The following FSTL4 variants were observed in gnomAD, a reference collection of about 807,000 sequenced individuals.
FSTL4 encodes the protein follistatin like 4.
In FSTL4, 28 loss-of-function variants were observed where a neutral mutation model predicts 78.2. That is an observed-to-expected ratio of 0.36 (90% confidence interval 0.27 to 0.49). The LOEUF (loss-of-function observed/expected upper bound fraction) is 0.49, where lower values mean the gene tolerates loss of function less well. FSTL4 is among the 20% of genes least tolerant of loss of function. The pLI, the probability that FSTL4 is intolerant of heterozygous loss-of-function variation, is 0.98. For synonymous variants in FSTL4, 422 were observed against 440.5 expected, an observed-to-expected ratio of 0.96 and a Z score of 0.53; for missense variants, 922 against 1,084.9, an observed-to-expected ratio of 0.85 and a Z score of 2.11.
At chr5:133,728,896 G>A in the FSTL4 span, among the ~76,000 whole-genome samples, 1 of 152,144 alleles carries the variant, frequency 6.6e-6, no homozygotes, top group African/African-American at 2.4e-5. Flanking sequence ...TTATCAGAAG[G>A]ATAAAGTGTA....
At chr5:133,815,690 G>A in the FSTL4 span, among the ~76,000 whole-genome samples, 2,557 of 152,248 alleles carry the variant, frequency 0.017, 79 homozygotes, top group African/African-American at 0.058. Context: ...TTTGGGAATC[G>A]TATTTTTAAA....
intron 8 of FSTL4, among the ~76,000 whole-genome samples, chr5:133,227,824 G>C (rs1258848631): frequency 6.6e-6 from 1 of 152,120 alleles, no homozygotes; most frequent in Non-Finnish European, 1.5e-5. Flanking sequence ...TGGGATGTTT[G>C]ATCAATAAAA....
the FSTL4 span, among the ~76,000 whole-genome samples, chr5:133,622,059 C>T: frequency 6.6e-5 from 10 of 152,056 alleles, no homozygotes; most frequent in Non-Finnish European, 1.3e-4. Flanking sequence ...CTCCCTCCCC[C>T]CTTATCCCTA....
chr5:133,719,570 G>A, the FSTL4 span, among the ~76,000 whole-genome samples: 1 of 151,352 alleles, frequency 6.6e-6, no homozygotes. Flanking sequence ...CTACTCAAGA[G>A]GCTGAGGCAG....
chr5:133,610,064 G>A (rs1241588100), intron 1 of FSTL4, among the ~76,000 whole-genome samples: 9 of 152,196 alleles, frequency 5.9e-5, no homozygotes, highest in Admixed American at 5.9e-4. Flanking sequence ...GCTAGTCTCT[G>A]AATATAGTGT....
the FSTL4 span, among the ~76,000 whole-genome samples, chr5:133,798,290 T>C: frequency 6.6e-6 from 1 of 152,214 alleles, no homozygotes; most frequent in Non-Finnish European, 1.5e-5. Flanking sequence ...TGGAATGTTA[T>C]AATCCTTGAA....
In FSTL4 at chr5:133,202,055, G is replaced by A; in HGVS notation, c.1717-13C>T. ...CTTCTGTGATCACCTACAACACAGAGTGGGAATCCTAGTGAGGGCCCATGC... is the reference window on the plus strand; with the variant it reads ...CTTCTGTGATCACCTACAACACAGAATGGGAATCCTAGTGAGGGCCCATGC... On this transcript the variant is annotated splice_polypyrimidine_tract_variant and intron_variant, in intron 14 of 15. Coordinates refer to ENST00000265342, the MANE Select transcript of FSTL4 (RefSeq NM_015082.2). 1 of 1,560,678 alleles carries A rather than the reference G, an allele frequency of 6.4e-7. No homozygotes were observed. The highest frequency in any genetic ancestry group is 1.3e-5 in the African/African-American group (1 of 74,104).
At chr5:133,362,464 C>T (rs1275874320) in intron 4 of FSTL4, among the ~76,000 whole-genome samples, 1 of 152,228 alleles carries the variant, frequency 6.6e-6, no homozygotes, top group East Asian at 1.9e-4. Flanking sequence ...CCCAGTCACT[C>T]CTCCCAAAAG....
intron 3 of FSTL4, among the ~76,000 whole-genome samples, chr5:133,461,561 A>ACAAG (rs1757592329): frequency 6.6e-6 from 1 of 152,104 alleles, no homozygotes; most frequent in Non-Finnish European, 1.5e-5. Context: ...AAACAAACAA[A>ACAAG]CAAACAAACC....
chr5:133,599,501 T>C (rs1164163808), intron 2 of FSTL4, among the ~76,000 whole-genome samples: 3 of 152,214 alleles, frequency 2.0e-5, no homozygotes, highest in Non-Finnish European at 4.4e-5. Flanking sequence ...GCTCAAAACC[T>C]ATCTCTGGTC....
intron 3 of FSTL4, chr5:133,427,713 T>C (rs1756854422): frequency 3.9e-6 from 2 of 513,204 alleles, no homozygotes; most frequent in African/African-American, 1.9e-5. Context: ...GTGGCTGAGT[T>C]AGGTTACAAA....
chr5:133,198,204 T>TC lies in FSTL4; in HGVS notation c.*890dup, dbSNP rs1378205744. On this transcript the variant is annotated 3_prime_UTR_variant, in exon 16 of 16. Coordinates refer to ENST00000265342, the MANE Select transcript of FSTL4 (RefSeq NM_015082.2). ...GGTACCAGACCTGACTAATGAGATGTCTCCCTTCTGTGCTGAAAGGAGGCA... is the reference window on the plus strand; with the variant it reads ...GGTACCAGACCTGACTAATGAGATGTCCTCCCTTCTGTGCTGAAAGGAGGCA... 1 of 152,636 alleles carries TC rather than the reference T, an allele frequency of 6.6e-6. No individual in the cohort carries two copies. The highest frequency in any genetic ancestry group is 2.4e-5 in the African/African-American group (1 of 41,432). 9.5% of individuals were successfully genotyped at this position (152,636 alleles called of 1,614,324 possible). A position where few individuals can be genotyped will look rare whatever the true frequency, so the allele number is the denominator to read the frequency against.
intron 8 of FSTL4, among the ~76,000 whole-genome samples, chr5:133,226,350 G>A (rs888551855): frequency 6.6e-6 from 1 of 152,150 alleles, no homozygotes; most frequent in African/African-American, 2.4e-5. Flanking sequence ...GGCCAGGTGT[G>A]CCCTCCTCAG....
chr5:133,423,836 T>C (rs1410813104), intron 3 of FSTL4, among the ~76,000 whole-genome samples: 1 of 152,058 alleles, frequency 6.6e-6, no homozygotes, highest in African/African-American at 2.4e-5. Flanking sequence ...CATAACTGAG[T>C]ATAACTTTGT....
chr5:133,318,000 G>A (rs1324234943), intron 4 of FSTL4, among the ~76,000 whole-genome samples: 1 of 152,100 alleles, frequency 6.6e-6, no homozygotes, highest in Non-Finnish European at 1.5e-5. Context: ...CCCTTGATAA[G>A]CCTGGACAGC....
At chr5:133,404,696 G>C (rs535223176) in intron 3 of FSTL4, among the ~76,000 whole-genome samples, 1 of 152,108 alleles carries the variant, frequency 6.6e-6, no homozygotes, top group South Asian at 2.1e-4. Flanking sequence ...GTAATTGAGC[G>C]GTTGTGGAAG....
intron 3 of FSTL4, among the ~76,000 whole-genome samples, chr5:133,414,667 A>G (rs190218680): frequency 6.4e-4 from 97 of 152,370 alleles, no homozygotes; most frequent in Non-Finnish European, 1.8e-4. Flanking sequence ...CTATGTTGCC[A>G]GAGGCAAAAG....
At chr5:133,663,265 T>C in the FSTL4 span, among the ~76,000 whole-genome samples, 1 of 152,194 alleles carries the variant, frequency 6.6e-6, no homozygotes, top group Non-Finnish European at 1.5e-5. Context: ...TTCACTGAGT[T>C]GAAGTACTGT....
chr5:133,468,953 T>C (rs1279999998), intron 3 of FSTL4, among the ~76,000 whole-genome samples: 1 of 152,144 alleles, frequency 6.6e-6, no homozygotes, highest in East Asian at 1.9e-4. Flanking sequence ...TCTTGAGAAA[T>C]AGCATTTAAT....
Sources: allele counts gnomAD v4.1 joint callset (sites outside exome capture counted in the v4.1 genomes callset), GRCh38; gene constraint gnomAD v4.1.1; transcripts MANE v1.5; gene names NCBI Gene and HGNC (gene_info 2026-07-23, HGNC 2026-07-21).